The following UGGT2 variants were observed in gnomAD, a reference collection of about 807,000 sequenced individuals.
UGGT2 encodes UDP-glucose glycoprotein glucosyltransferase 2.
UGGT2 carries 180 observed loss-of-function variants against 192.1 expected under a neutral mutation model. The observed-to-expected ratio is 0.94, with a 90% confidence interval of 0.83 to 1.06. The LOEUF is 1.06. Ranked by LOEUF, UGGT2 falls within the 50% of genes least tolerant of loss-of-function variation. UGGT2 has a pLI of 0.00. For synonymous variants in UGGT2, 580 were observed against 591.0 expected (o/e 0.98, Z 0.27); for missense variants, 1,849 against 1,795.7 (o/e 1.03, Z -0.54).
At chr13:95,971,354 G>A (rs1278271354) in intron 11 of UGGT2, among the ~76,000 whole-genome samples, 2 of 151,898 alleles carry the variant, frequency 1.3e-5, no homozygotes, top group African/African-American at 4.8e-5. Flanking sequence ...ATCCTCTGAA[G>A]ACACAAATAT....
chr13:95,987,287 C>T (rs371612402), intron 8 of UGGT2, among the ~76,000 whole-genome samples: 6 of 152,262 alleles, frequency 3.9e-5, no homozygotes, highest in African/African-American at 1.4e-4. Context: ...GACTCCTTTT[C>T]ACCTTCTAAA....
At chr13:95,844,341 A>G (rs1888173528) in intron 36 of UGGT2, among the ~76,000 whole-genome samples, 1 of 152,266 alleles carries the variant, frequency 6.6e-6, no homozygotes. Context: ...AAAGTCTAAT[A>G]AATATAGAAA....
At chr13:95,913,944 G>T (rs945659211) in intron 20 of UGGT2, among the ~76,000 whole-genome samples, 1 of 152,160 alleles carries the variant, frequency 6.6e-6, no homozygotes, top group African/African-American at 2.4e-5. Flanking sequence ...CCGGGACATG[G>T]ATGAAGCTGG....
chr13:96,043,274 A>G (rs565617224), intron 1 of UGGT2, among the ~76,000 whole-genome samples: 3 of 152,352 alleles, frequency 2.0e-5, no homozygotes, highest in South Asian at 2.1e-4. Flanking sequence ...ACTAATCTTC[A>G]TAAATGAAGG....
At chr13:95,887,341 A>G (rs1469132524) in intron 26 of UGGT2, 1 of 509,796 alleles carries the variant, frequency 2.0e-6, no homozygotes, top group East Asian at 5.5e-5. Context: ...GCTCATAATG[A>G]ATGACAGTGA....
In UGGT2 at chr13:96,053,344, C is replaced by G; in HGVS notation, c.-32G>C. 4 of 1,572,166 alleles carry G rather than the reference C, an allele frequency of 2.5e-6. No homozygotes were observed. The highest frequency in any genetic ancestry group is 1.4e-5 in the African/African-American group (1 of 72,278). ...GAGAGAAAAGCGCGAGTCCCTCGGA[C>G]CCGGTACCCACAGTCTGTGGCCGCC... On this transcript the variant is annotated 5_prime_UTR_variant, in exon 1 of 39. Coordinates refer to ENST00000376747, the MANE Select transcript of UGGT2 (RefSeq NM_020121.4).
At chr13:95,870,222 G>A (rs1476041902) in intron 29 of UGGT2, among the ~76,000 whole-genome samples, 1 of 152,082 alleles carries the variant, frequency 6.6e-6, no homozygotes, top group Non-Finnish European at 1.5e-5. Flanking sequence ...GTGGTAAGGT[G>A]GTGTATATTA....
At chr13:95,820,533 T>C (rs1182202934) in intron 38 of UGGT2, among the ~76,000 whole-genome samples, 1 of 152,200 alleles carries the variant, frequency 6.6e-6, no homozygotes, top group African/African-American at 2.4e-5. Context: ...CAAAAATATT[T>C]AGACATTAGA....
intron 6 of UGGT2, among the ~76,000 whole-genome samples, chr13:95,998,360 G>A (rs2051693738): frequency 6.6e-6 from 1 of 152,120 alleles, no homozygotes; most frequent in Non-Finnish European, 1.5e-5. Context: ...CATAAAATCA[G>A]AGTATTATTT....
At chr13:96,001,459 C>T (rs1003159515) in intron 5 of UGGT2, among the ~76,000 whole-genome samples, 1 of 152,098 alleles carries the variant, frequency 6.6e-6, no homozygotes, top group African/African-American at 2.4e-5. Context: ...ACTCTCTTTT[C>T]GGACTCAGCC....
At chr13:95,903,174 T>A in intron 20 of UGGT2, 114 bp from the exon 21 acceptor site, 1 of 960,680 alleles carries the variant, frequency 1.0e-6, no homozygotes, top group Non-Finnish European at 1.5e-6. Context: ...TCTTTCACTA[T>A]CAAAGCCCTC....
chr13:95,906,036 G>A (rs974770786), intron 20 of UGGT2, among the ~76,000 whole-genome samples: 7 of 152,114 alleles, frequency 4.6e-5, no homozygotes, highest in African/African-American at 1.7e-4. Flanking sequence ...TCCTTGTGCT[G>A]ATACCAAACT....
chr13:95,817,631 A>C (rs1885046242), intron 38 of UGGT2, among the ~76,000 whole-genome samples: 1 of 152,204 alleles, frequency 6.6e-6, no homozygotes. Context: ...AGTATAAAAA[A>C]TATATACCTA....
At chr13:95,997,802 TTATTC>T (rs1266724916) in intron 6 of UGGT2, among the ~76,000 whole-genome samples, 2 of 152,014 alleles carry the variant, frequency 1.3e-5, no homozygotes, top group East Asian at 3.9e-4. Flanking sequence ...GAACAGAAAA[TTATTC>T]TAAATAGTAA....
At chr13:95,985,114 T>C (rs1038158466) in intron 9 of UGGT2, 2 of 367,622 alleles carry the variant, frequency 5.4e-6, no homozygotes, top group African/African-American at 2.2e-5. Context: ...TTAGCATCAA[T>C]AGAGCTAATC....
intron 38 of UGGT2, 114 bp downstream of exon 38, chr13:95,832,813 T>G: frequency 6.8e-7 from 1 of 1,479,800 alleles, no homozygotes; most frequent in South Asian, 1.2e-5. Flanking sequence ...CCACAGACTT[T>G]CTTAAAGAAA....
chr13:95,933,711 T>G (rs1400228055), intron 17 of UGGT2, among the ~76,000 whole-genome samples: 1 of 152,210 alleles, frequency 6.6e-6, no homozygotes, highest in African/African-American at 2.4e-5. Context: ...AGACGAAGTC[T>G]TGCTCTGTCA....
intron 38 of UGGT2, among the ~76,000 whole-genome samples, chr13:95,812,565 G>A (rs1033391907): frequency 6.6e-6 from 1 of 152,218 alleles, no homozygotes. Flanking sequence ...CAGGCTAAAT[G>A]TATAGTTTGA....
intron 1 of UGGT2, among the ~76,000 whole-genome samples, chr13:96,039,551 A>G (rs2053106316): frequency 6.6e-6 from 1 of 152,134 alleles, no homozygotes; most frequent in Non-Finnish European, 1.5e-5. Flanking sequence ...CCCAACACTG[A>G]GTTTCCTAGT....
Sources: gnomAD v4.1 joint callset for allele counts (sites outside exome capture counted in the v4.1 genomes callset) on GRCh38, gnomAD v4.1.1 for gene constraint, MANE v1.5 for transcripts, NCBI Gene and HGNC (gene_info 2026-07-23, HGNC 2026-07-21) for gene names.